The following COL13A1 variants were observed in gnomAD, a reference collection of about 807,000 sequenced individuals.
COL13A1 encodes collagen type XIII alpha 1 chain.
COL13A1 carries 89 observed loss-of-function variants against 130.9 expected under a neutral mutation model. The observed-to-expected ratio is 0.68, with a 90% CI of 0.57 to 0.81. The LOEUF (loss-of-function observed/expected upper bound fraction) is 0.81, where lower values mean the gene tolerates loss of function less well. Among genes scored for constraint, COL13A1 ranks in the 30% least tolerant of loss-of-function variants. The probability of loss-of-function intolerance (pLI) is 0.00; values close to 1 mark genes in which losing one functional copy is unlikely to be tolerated. For synonymous variants in COL13A1, 402 were observed against 341.6 expected, an observed-to-expected ratio of 1.18 and a Z score of -1.95; for missense variants, 879 against 934.6, an observed-to-expected ratio of 0.94 and a Z score of 0.78.
rs375272666 is a variant in COL13A1 at position 69,817,831 on chromosome 10, G to A, written c.295-4538G>A. Among the ~76,000 whole-genome samples the A allele has an allele frequency of 3.9e-5, 6 of 152,166 alleles. No homozygotes were observed. The East Asian group carries it at 5.8e-4, about 15-fold the overall frequency. On this transcript the variant is annotated intron_variant, in intron 1 of 40. Transcript: ENST00000645393. ...GTGGGATTCGAGGGTCCCTGGGGCC[G>A]GGGTGTTAGGTCCTTGGGAAATGGA...
chr10:69,868,534 A>G (rs952810156), intron 3 of COL13A1, among the ~76,000 whole-genome samples: 1 of 152,212 alleles, frequency 6.6e-6, no homozygotes, highest in African/African-American at 2.4e-5. Context: ...TTGATATCCC[A>G]ACAAAAGACC....
chr10:69,918,322 G>C lies in COL13A1; in HGVS notation c.999+5G>C, dbSNP rs200322111. 22 of 1,613,006 alleles carry C rather than the reference G, an allele frequency of 1.4e-5. No individual in the cohort carries two copies. Among genetic ancestry groups the C allele is most frequent in the Non-Finnish European group, 1.8e-5 (21 of 1,179,520 alleles). Reference sequence around the variant, plus strand: ...ATTGCCGTGGCTGGGATGAAGGTCAGTGGACTGTTGTAACCAACACATCAG... The same window carrying C: ...ATTGCCGTGGCTGGGATGAAGGTCACTGGACTGTTGTAACCAACACATCAG... On this transcript the variant is annotated splice_donor_5th_base_variant and intron_variant, in intron 19 of 40. Coordinates refer to ENST00000645393, the MANE Select transcript of COL13A1 (RefSeq NM_001368882.1).
chr10:69,895,583 G>A lies in COL13A1; in HGVS notation c.684+7G>A. On this transcript the variant is annotated splice_region_variant and intron_variant, in intron 13 of 40. Transcript: ENST00000645393. Reference sequence around the variant, plus strand: ...TGGAGAGTACCCACACCGGGTAAGTGAACCCCTAAAATTTAGCAGGGCACT... The same window carrying A: ...TGGAGAGTACCCACACCGGGTAAGTAAACCCCTAAAATTTAGCAGGGCACT... 3 of 1,613,876 alleles carry A rather than the reference G, an allele frequency of 1.9e-6. No individual in the cohort carries two copies. The highest frequency in any genetic ancestry group is 4.5e-5 in the East Asian group (2 of 44,854).
intron 22 of COL13A1, among the ~76,000 whole-genome samples, chr10:69,922,297 T>C (rs746563024): frequency 3.9e-5 from 6 of 151,956 alleles, no homozygotes; most frequent in Non-Finnish European, 5.9e-5. Context: ...ATGGGACCCT[T>C]GGAAAGTCAC....
At position 69,874,730 on chromosome 10, in the gene COL13A1, C is replaced by T. The variant is rs1589224376; in HGVS notation, c.400-398C>T. Among the ~76,000 whole-genome samples, 4 of 152,212 alleles carry T rather than the reference C, an allele frequency of 2.6e-5. 1 individual carries two copies. In the South Asian group the frequency reaches 8.3e-4, roughly 32 times the overall value. ...CATCTGTCACATGGGAGCTGCCAGT[C>T]ACCCTGCTCTGTGCCTTGAAGTTGC... is the stretch of plus-strand genomic sequence containing the variant. On this transcript the variant is annotated intron_variant, in intron 4 of 40. Coordinates refer to ENST00000645393, the MANE Select transcript of COL13A1 (RefSeq NM_001368882.1).
intron 2 of COL13A1, among the ~76,000 whole-genome samples, chr10:69,852,425 T>A (rs960610556): frequency 1.3e-5 from 2 of 152,274 alleles, no homozygotes; most frequent in Non-Finnish European, 2.9e-5. Flanking sequence ...AGAAAAGTGC[T>A]GCTTTGTCCC....
Position 69,871,721 on chromosome 10 carries a change from G to A in COL13A1, c.373-463G>A, listed in dbSNP as rs189450229. ...TGTATGTGACAGCAGGGTCTCTGGA[G>A]GGAGAAACCAAGGCCAGCCCCATGC... is the stretch of plus-strand genomic sequence containing the variant. On this transcript the variant is annotated intron_variant, in intron 3 of 40. Coordinates refer to ENST00000645393, the MANE Select transcript of COL13A1 (RefSeq NM_001368882.1). 1.2e-4 allele frequency among the ~76,000 whole-genome samples: 18 copies of A among 152,326 alleles called. No homozygotes were observed. The South Asian group carries it at 2.3e-3, about 19-fold the overall frequency.
chr10:69,902,712 G>A (rs190693900), intron 14 of COL13A1, 36 bp from the exon 15 acceptor site: 1 of 1,521,260 alleles, frequency 6.6e-7, no homozygotes, highest in Non-Finnish European at 8.9e-7. Flanking sequence ...CAGCTCTGGG[G>A]GCCTTCCCTC....
chr10:69,898,591 G>A (rs1412037367), intron 13 of COL13A1, 106 bp from the exon 14 acceptor site: 9 of 813,792 alleles, frequency 1.1e-5, no homozygotes, highest in East Asian at 2.7e-5. Flanking sequence ...CCTCTGCTCC[G>A]GTCCCTCTTG....
intron 2 of COL13A1, among the ~76,000 whole-genome samples, chr10:69,853,068 T>G (rs1182744721): frequency 6.6e-6 from 1 of 152,116 alleles, no homozygotes; most frequent in Non-Finnish European, 1.5e-5. Context: ...TGGGGAGATA[T>G]CTTCCTAGCG....
At chr10:69,842,909 C>A (rs1009555404) in intron 2 of COL13A1, among the ~76,000 whole-genome samples, 1 of 151,992 alleles carries the variant, frequency 6.6e-6, no homozygotes, top group African/African-American at 2.4e-5. Flanking sequence ...AGAGCAGCAG[C>A]CTTTACATGC....
chr10:69,880,508 C>A lies in COL13A1; in HGVS notation c.468C>A (p.Ser156=). 1 of 1,611,126 alleles carries A rather than the reference C, an allele frequency of 6.2e-7. No homozygotes were observed. The highest frequency in any genetic ancestry group is 8.5e-7 in the Non-Finnish European group (1 of 1,177,508). Residue 156 remains serine, a synonymous_variant, in exon 7 of 41, where the codon TCC becomes TCA. Coordinates refer to ENST00000645393, the MANE Select transcript of COL13A1 (RefSeq NM_001368882.1). ...CCCTTCCTCTCTCCCCGCAGGGGTC[C>A]CCCGGAGACGCTGGGCTGTCCATCA... ...GVKGQPGEKG[S]PGDAGLSIIG... is the part of the protein sequence containing the mutation.
intron 1 of COL13A1, among the ~76,000 whole-genome samples, chr10:69,807,227 C>A (rs1172903887): frequency 9.2e-5 from 14 of 152,138 alleles, no homozygotes; most frequent in Non-Finnish European, 1.0e-4. Context: ...TCTTTCAATC[C>A]TCACAACTTC....
chr10:69,870,520 T>C (rs1324173688), intron 3 of COL13A1, among the ~76,000 whole-genome samples: 2 of 150,638 alleles, frequency 1.3e-5, no homozygotes, highest in South Asian at 2.1e-4. Context: ...GGGGTTTTGC[T>C]ATATTGCCCA....
In COL13A1 at chr10:69,957,004, G is replaced by A. The variant is rs565155868; in HGVS notation, c.2146G>A (p.Gly716Ser). Residue 716 changes from glycine to serine, a missense_variant and splice_region_variant, in exon 40 of 41, where the codon GGC becomes AGC. By Grantham distance (56) the Gly-to-Ser change is moderately conservative (BLOSUM62 0). This residue lies in a region of COL13A1 where 68 missense variants were observed against 65.8 expected (regional missense o/e 1.03). Coordinates refer to ENST00000645393, the MANE Select transcript of COL13A1 (RefSeq NM_001368882.1). ...APGLDAPCPL[G>S]EDGLPVQGCW... is the part of the protein sequence containing the mutation. ...CCTCTGCCTTCCTTTCTCCTTGCAG[G>A]GCGAAGATGGCTTACCAGTCCAAGG... 2 of 1,613,618 alleles carry A rather than the reference G, an allele frequency of 1.2e-6. No individual in the cohort carries two copies. Among genetic ancestry groups the A allele is most frequent in the African/African-American group, 2.7e-5 (2 of 74,982 alleles).
chr10:69,846,211 G>C (rs74139211), intron 2 of COL13A1, among the ~76,000 whole-genome samples: 1 of 152,218 alleles, frequency 6.6e-6, no homozygotes, highest in Non-Finnish European at 1.5e-5. Context: ...CCCAGCCCTC[G>C]GTAACAAGGG....
intron 14 of COL13A1, among the ~76,000 whole-genome samples, chr10:69,900,651 G>A (rs80295838): frequency 0.022 from 3,302 of 152,296 alleles, 116 homozygotes; most frequent in African/African-American, 0.076. Context: ...TAAACATTGG[G>A]TCTAAGATTC....
intron 39 of COL13A1, 68 bp from the exon 40 acceptor site, chr10:69,956,934 ACC>A: frequency 7.9e-7 from 1 of 1,264,718 alleles, no homozygotes; most frequent in Admixed American, 1.7e-5. Context: ...GGCCCTTGTT[ACC>A]CCTGTCCTGC....
chr10:69,954,168 T>C (rs2394615), intron 39 of COL13A1: 59,826 of 152,490 alleles, frequency 0.39, 12,283 homozygotes, highest in East Asian at 0.52. Context: ...ATTCTGTAAA[T>C]GCCAAGGGTC....
Sources: allele counts gnomAD v4.1 joint callset (sites outside exome capture counted in the v4.1 genomes callset), GRCh38; gene constraint gnomAD v4.1.1; regional missense constraint gnomAD v4.1.1; transcripts MANE v1.5; gene names NCBI Gene and HGNC (gene_info 2026-07-23, HGNC 2026-07-21).